The following SGPL1 variants were observed in gnomAD, a reference collection of about 807,000 sequenced individuals.
SGPL1 encodes SP-lyase 1.
In SGPL1, 37 loss-of-function variants were observed where a neutral mutation model predicts 68.9. The ratio of observed to expected loss-of-function variants is 0.54; its 90% confidence interval spans 0.41 to 0.71. The LOEUF is 0.71. SGPL1 is among the 30% of genes least tolerant of loss of function. The pLI, the probability that SGPL1 is intolerant of heterozygous loss-of-function variation, is 0.00. For synonymous variants in SGPL1, 236 were observed against 248.5 expected (o/e 0.95, Z 0.47); for missense variants, 551 against 704.6 (o/e 0.78, Z 2.47).
chr10:70,834,948 A>G (rs1314080202), intron 2 of SGPL1, among the ~76,000 whole-genome samples: 1 of 152,192 alleles, frequency 6.6e-6, no homozygotes, highest in Non-Finnish European at 1.5e-5. Context: ...CTGATGGCCT[A>G]TGATGTGATG....
chr10:70,864,039 G>A (rs1490372488), intron 7 of SGPL1, among the ~76,000 whole-genome samples: 4 of 151,520 alleles, frequency 2.6e-5, no homozygotes, highest in Admixed American at 2.0e-4. Flanking sequence ...GGTTTAGCAA[G>A]TTTCTTTATG....
At chr10:70,856,772 C>G (rs990300613) in intron 5 of SGPL1, among the ~76,000 whole-genome samples, 2 of 152,174 alleles carry the variant, frequency 1.3e-5, no homozygotes, top group Non-Finnish European at 2.9e-5. Context: ...TGGTGTGTTT[C>G]CGTAATAGCT....
At chr10:70,829,552 C>T (rs1845497066) in intron 2 of SGPL1, among the ~76,000 whole-genome samples, 1 of 152,142 alleles carries the variant, frequency 6.6e-6, no homozygotes, top group African/African-American at 2.4e-5. Flanking sequence ...TTCACAACAA[C>T]CCTGTGAGTG....
intron 14 of SGPL1, 33 bp downstream of exon 14, chr10:70,876,694 G>A: frequency 6.3e-7 from 1 of 1,587,732 alleles, no homozygotes; most frequent in South Asian, 1.1e-5. Context: ...TTCTTCTCTT[G>A]GAAATTTAGG....
At chr10:70,851,793 G>C (rs1490211076) in intron 4 of SGPL1, among the ~76,000 whole-genome samples, 1 of 152,202 alleles carries the variant, frequency 6.6e-6, no homozygotes, top group Non-Finnish European at 1.5e-5. Context: ...CCCTTGCAGA[G>C]GGACAGCAGC....
At chr10:70,865,007 A>T (rs1846153839) in intron 7 of SGPL1, among the ~76,000 whole-genome samples, 3 of 152,136 alleles carry the variant, frequency 2.0e-5, no homozygotes, top group Admixed American at 2.0e-4. Context: ...TTCTCTCTTC[A>T]TTTTGCTCAT....
chr10:70,840,091 A>G (rs757087865), intron 2 of SGPL1, among the ~76,000 whole-genome samples: 1 of 152,116 alleles, frequency 6.6e-6, no homozygotes, highest in Non-Finnish European at 1.5e-5. Context: ...TCCAGGGTAG[A>G]TCCTGCCAAG....
chr10:70,832,716 C>A (rs1468139798), intron 2 of SGPL1, among the ~76,000 whole-genome samples: 1 of 152,174 alleles, frequency 6.6e-6, no homozygotes, highest in Non-Finnish European at 1.5e-5. Flanking sequence ...TATTGTCAGA[C>A]TCTGAGAGTT....
At chr10:70,873,641 T>A in intron 12 of SGPL1, 52 bp downstream of exon 12, 2 of 1,370,770 alleles carry the variant, frequency 1.5e-6, no homozygotes, top group Non-Finnish European at 2.1e-6. Flanking sequence ...TTTGTCCTAG[T>A]AGGCTCAAGG....
intron 4 of SGPL1, among the ~76,000 whole-genome samples, chr10:70,853,153 A>C (rs1481877588): frequency 6.6e-6 from 1 of 152,226 alleles, no homozygotes; most frequent in Non-Finnish European, 1.5e-5. Context: ...CAACTTAAAA[A>C]ATGTCTTCAC....
intron 7 of SGPL1, among the ~76,000 whole-genome samples, chr10:70,867,963 C>G (rs1418028597): frequency 6.6e-6 from 1 of 152,220 alleles, no homozygotes; most frequent in Non-Finnish European, 1.5e-5. Context: ...CACAATTTCA[C>G]ATTCTTTAAC....
chr10:70,847,442 C>T (rs1845809992), intron 3 of SGPL1, among the ~76,000 whole-genome samples: 1 of 152,104 alleles, frequency 6.6e-6, no homozygotes, highest in African/African-American at 2.4e-5. Flanking sequence ...AGCCACCATG[C>T]CCAGCTGAGT....
chr10:70,870,108 C>T (rs1446622206), intron 9 of SGPL1: 1 of 454,380 alleles, frequency 2.2e-6, no homozygotes, highest in East Asian at 3.7e-5. Flanking sequence ...TAGTCACTAA[C>T]TTGGGACTTG....
chr10:70,828,462 C>T (rs1408601242), intron 2 of SGPL1, among the ~76,000 whole-genome samples: 3 of 152,092 alleles, frequency 2.0e-5, no homozygotes, highest in Non-Finnish European at 4.4e-5. Context: ...TAAAGTGCTG[C>T]GATTATGGGT....
At chr10:70,843,040 A>G (rs576806473) in intron 2 of SGPL1, among the ~76,000 whole-genome samples, 4 of 152,324 alleles carry the variant, frequency 2.6e-5, no homozygotes, top group South Asian at 2.1e-4. Context: ...ATTTGCAGCT[A>G]CTATCCTCTC....
rs1845383779 is a variant in SGPL1, at chr10:70,823,727, A to G, written c.27+6847A>G. On this transcript the variant is annotated intron_variant, in intron 2 of 14. Coordinates refer to ENST00000373202, the MANE Select transcript of SGPL1 (RefSeq NM_003901.4). Reference sequence around the variant, plus strand: ...TATATATATCTTTTAAAAATTTTTCATAATTGAAGTTCCTCTTTATATTTA... The same window carrying G: ...TATATATATCTTTTAAAAATTTTTCGTAATTGAAGTTCCTCTTTATATTTA... Among the ~76,000 whole-genome samples, 4 of 150,164 alleles carry G rather than the reference A, an allele frequency of 2.7e-5. No homozygotes were observed. The East Asian group carries it at 7.7e-4, about 29-fold the overall frequency.
At chr10:70,865,881 G>A (rs1022159865) in intron 7 of SGPL1, among the ~76,000 whole-genome samples, 1 of 152,198 alleles carries the variant, frequency 6.6e-6, no homozygotes. Context: ...CCAAGTAGAT[G>A]TTGTTCTCTT....
intron 7 of SGPL1, among the ~76,000 whole-genome samples, chr10:70,861,969 G>A (rs1235591651): frequency 2.0e-5 from 3 of 152,184 alleles, no homozygotes; most frequent in Non-Finnish European, 2.9e-5. Flanking sequence ...CTTGACGAGC[G>A]CCACTCCCTG....
chr10:70,863,287 G>A (rs904372925), intron 7 of SGPL1, among the ~76,000 whole-genome samples: 3 of 122,298 alleles, frequency 2.5e-5, no homozygotes, highest in Admixed American at 9.1e-5. Context: ...ACGCTTGGCC[G>A]TCTTTTTTTT....
Sources: gnomAD v4.1 joint callset for allele counts (sites outside exome capture counted in the v4.1 genomes callset) on GRCh38, gnomAD v4.1.1 for gene constraint, MANE v1.5 for transcripts, NCBI Gene and HGNC (gene_info 2026-07-23, HGNC 2026-07-21) for gene names.